The following TLCD4 variants were observed in gnomAD, a reference collection of about 807,000 sequenced individuals.
The protein encoded by TLCD4 is TLC domain-containing protein 4.
TLCD4 carries 7 observed loss-of-function variants against 24.2 expected under a neutral mutation model. The observed-to-expected ratio is 0.29, with a 90% CI of 0.16 to 0.54. TLCD4 has a LOEUF of 0.54. TLCD4 is among the 20% of genes least tolerant of loss of function. TLCD4 has a pLI of 0.95. For missense variants in TLCD4, 259 were observed against 313.9 expected (o/e 0.82, Z 1.32); for synonymous variants, 103 against 106.4 (o/e 0.97, Z 0.20).
intron 5 of TLCD4, chr1:95,163,481 T>C (rs1677901360): frequency 6.6e-6 from 1 of 152,188 alleles, no homozygotes; most frequent in Admixed American, 6.5e-5. Context: ...TTATTACTGA[T>C]CGTTTGAAGC....
At chr1:95,160,483 T>C (rs760792857) in intron 5 of TLCD4, among the ~76,000 whole-genome samples, 9 of 152,184 alleles carry the variant, frequency 5.9e-5, no homozygotes, top group East Asian at 1.9e-4. Context: ...CTTTTCCTAA[T>C]TGAATACGCT....
upstream of TLCD4, among the ~76,000 whole-genome samples, chr1:95,114,818 T>G (rs1676398426): frequency 6.6e-6 from 1 of 151,566 alleles, no homozygotes; most frequent in Non-Finnish European, 1.5e-5. Flanking sequence ...AGAGCAAGAC[T>G]CTGTCTCAAA....
chr1:95,173,772 T>A lies in TLCD4; in HGVS notation c.400-44T>A, dbSNP rs1553171950. ...TTTCTACGGTATTTGGGAATTTTGTTAAGAATGTTATCCTTGACGTTGTGT... is the reference window on the plus strand; with the variant it reads ...TTTCTACGGTATTTGGGAATTTTGTAAAGAATGTTATCCTTGACGTTGTGT... On this transcript the variant is annotated intron_variant, in intron 5 of 6. Coordinates refer to ENST00000370203, the MANE Select transcript of TLCD4 (RefSeq NM_152487.3). 4 of 1,612,582 alleles carry A rather than the reference T, an allele frequency of 2.5e-6. No individual in the cohort carries two copies. In the Middle Eastern group the frequency reaches 4.9e-4, roughly 200 times the overall value.
intron 1 of TLCD4, among the ~76,000 whole-genome samples, chr1:95,140,089 A>G (rs1425159903): frequency 6.6e-6 from 1 of 152,092 alleles, no homozygotes; most frequent in East Asian, 1.9e-4. Context: ...GCTGTTTTAC[A>G]GTTAATTGTG....
chr1:95,150,381 C>A (rs562135910), intron 4 of TLCD4, 115 bp downstream of exon 4: 5 of 1,348,552 alleles, frequency 3.7e-6, no homozygotes, highest in African/African-American at 1.5e-5. Flanking sequence ...AGGAAGCATA[C>A]AGAGGAAAAA....
chr1:95,165,330 T>C (rs1050697679), intron 5 of TLCD4: 3 of 152,260 alleles, frequency 2.0e-5, no homozygotes, highest in Admixed American at 2.0e-4. Flanking sequence ...CAATGACTAT[T>C]GTTATGTGTT....
At chr1:95,139,455 ATTTTTT>A (rs200337389) in intron 1 of TLCD4, among the ~76,000 whole-genome samples, 55 of 93,996 alleles carry the variant, frequency 5.9e-4, no homozygotes, top group African/African-American at 1.8e-3. Flanking sequence ...TAAACCTTTG[ATTTTTT>A]TTTTTTTTTT....
chr1:95,101,707 T>A, the TLCD4 span, among the ~76,000 whole-genome samples: 1 of 152,216 alleles, frequency 6.6e-6, no homozygotes, highest in Non-Finnish European at 1.5e-5. Flanking sequence ...AACAACTCTA[T>A]GATACTGCTT....
chr1:95,119,398 A>T (rs1676511988), intron 1 of TLCD4, among the ~76,000 whole-genome samples: 1 of 152,196 alleles, frequency 6.6e-6, no homozygotes, highest in Admixed American at 6.5e-5. Context: ...TGTTAGACTG[A>T]TTAAGAGCCT....
intron 1 of TLCD4, among the ~76,000 whole-genome samples, chr1:95,132,190 C>G (rs1676914836): frequency 6.6e-6 from 1 of 152,164 alleles, no homozygotes. Flanking sequence ...CGTGGTGGCT[C>G]ACACCTGTAA....
chr1:95,098,455 T>C, the TLCD4 span, among the ~76,000 whole-genome samples: 19 of 152,346 alleles, frequency 1.2e-4, no homozygotes, highest in East Asian at 2.7e-3. Flanking sequence ...TAAACGCATA[T>C]TGAGTTCCAA....
intron 6 of TLCD4, among the ~76,000 whole-genome samples, chr1:95,191,026 T>G (rs1050709017): frequency 1.4e-4 from 22 of 152,188 alleles, no homozygotes; most frequent in African/African-American, 5.1e-4. Context: ...TTTGGTGTTG[T>G]ATCTAAAATA....
chr1:95,150,041 T>G (rs936310154), intron 3 of TLCD4, among the ~76,000 whole-genome samples, 167 bp from the exon 4 acceptor site: 2 of 152,162 alleles, frequency 1.3e-5, no homozygotes, highest in Non-Finnish European at 2.9e-5. Flanking sequence ...GCGTCACAGT[T>G]TGGCTAAACT....
chr1:95,112,236 G>A, the TLCD4 span, among the ~76,000 whole-genome samples: 486 of 152,124 alleles, frequency 3.2e-3, 4 homozygotes, highest in African/African-American at 0.011. Context: ...CTTCTGCCCC[G>A]TTTGAGAACC....
chr1:95,172,392 A>G (rs1678260772), intron 5 of TLCD4, among the ~76,000 whole-genome samples: 1 of 152,216 alleles, frequency 6.6e-6, no homozygotes, highest in South Asian at 2.1e-4. Flanking sequence ...CCTATTCTTC[A>G]TATTTGTGTG....
intron 5 of TLCD4, among the ~76,000 whole-genome samples, chr1:95,151,888 T>A (rs911111229): frequency 1.2e-4 from 18 of 152,114 alleles, no homozygotes; most frequent in Non-Finnish European, 8.8e-5. Flanking sequence ...CCAAGGTTAA[T>A]AGAGGATTCT....
chr1:95,105,827 G>C, the TLCD4 span, among the ~76,000 whole-genome samples: 1 of 148,408 alleles, frequency 6.7e-6, no homozygotes, highest in Non-Finnish European at 1.5e-5. Context: ...CCCGCGAGGC[G>C]GAGTTTGCAG....
intron 1 of TLCD4, among the ~76,000 whole-genome samples, chr1:95,119,475 C>T (rs922782255): frequency 2.0e-5 from 3 of 152,118 alleles, no homozygotes; most frequent in African/African-American, 7.2e-5. Context: ...TCCCTGTAAC[C>T]AGATAACTAG....
chr1:95,137,503 A>G (rs1677077205), intron 1 of TLCD4, among the ~76,000 whole-genome samples: 1 of 152,166 alleles, frequency 6.6e-6, no homozygotes, highest in Admixed American at 6.5e-5. Flanking sequence ...ATATTCTCTA[A>G]GGAATCCCTG....
Sources: allele counts gnomAD v4.1 joint callset (sites outside exome capture counted in the v4.1 genomes callset), GRCh38; gene constraint gnomAD v4.1.1; transcripts MANE v1.5; gene names NCBI Gene and HGNC (gene_info 2026-07-23, HGNC 2026-07-21).